NEO1: variants seen among roughly 807,000 people sequenced by gnomAD.
The protein encoded by NEO1 is neogenin.
In NEO1, 63 loss-of-function variants were observed where a neutral mutation model predicts 159.7. The observed-to-expected ratio is 0.39, with a 90% CI of 0.32 to 0.49. The LOEUF (loss-of-function observed/expected upper bound fraction) is 0.49. Among genes scored for constraint, NEO1 ranks in the 20% least tolerant of loss-of-function variants. NEO1 has a pLI of 0.85. For missense variants in NEO1, 1,615 were observed against 1,831.0 expected, an observed-to-expected ratio of 0.88 and a Z score of 2.15; for synonymous variants, 633 against 662.0, an observed-to-expected ratio of 0.96 and a Z score of 0.67.
At chr15:73,302,574 C>T (rs1484634137) in intron 28 of NEO1, 39 bp from the exon 29 acceptor site, 1 of 1,590,230 alleles carries the variant, frequency 6.3e-7, no homozygotes, top group Admixed American at 1.7e-5. Flanking sequence ...TGAGCTGCTC[C>T]CTGGATCCAG....
At chr15:73,182,789 T>C (rs2035689210) in intron 7 of NEO1, among the ~76,000 whole-genome samples, 1 of 152,144 alleles carries the variant, frequency 6.6e-6, no homozygotes, top group South Asian at 2.1e-4. Context: ...GTGGGAATTA[T>C]GGGAGCTACA....
At chr15:73,116,979 A>AGCCC (rs2071362299) in intron 2 of NEO1, 122 bp downstream of exon 2, 2 of 775,432 alleles carry the variant, frequency 2.6e-6, no homozygotes, top group African/African-American at 3.5e-5. Flanking sequence ...CATTTAACAG[A>AGCCC]TATCAATTGT....
chr15:73,215,151 C>A (rs754336368), intron 7 of NEO1, among the ~76,000 whole-genome samples: 3 of 152,092 alleles, frequency 2.0e-5, no homozygotes, highest in Non-Finnish European at 4.4e-5. Flanking sequence ...TTGCTGAATT[C>A]TTTTATCAGT....
chr15:73,164,620 TAATATTTACCAAAATGTAA>T (rs1207117259), intron 5 of NEO1, among the ~76,000 whole-genome samples: 2 of 152,222 alleles, frequency 1.3e-5, no homozygotes, highest in Non-Finnish European at 2.9e-5. Context: ...CAGCCTTTGG[TAATATTTACCAAAATGTAA>T]AATACAAAAA....
chr15:73,262,118 C>A (rs2040644724), intron 15 of NEO1, among the ~76,000 whole-genome samples: 1 of 152,102 alleles, frequency 6.6e-6, no homozygotes, highest in South Asian at 2.1e-4. Context: ...TATGCAAAAA[C>A]AGACCTAAAT....
At chr15:73,157,916 A>T (rs927296699) in intron 5 of NEO1, among the ~76,000 whole-genome samples, 6 of 146,250 alleles carry the variant, frequency 4.1e-5, no homozygotes, top group East Asian at 1.9e-4. Flanking sequence ...TTGTTCTTTT[A>T]AAAAAAAAAT....
chr15:73,145,386 AG>A (rs2032802894), intron 5 of NEO1, among the ~76,000 whole-genome samples: 1 of 152,226 alleles, frequency 6.6e-6, no homozygotes, highest in Non-Finnish European at 1.5e-5. Context: ...TTTTATCAAA[AG>A]CTTTAAAACT....
chr15:73,052,514 C>T lies in NEO1; in HGVS notation c.-162C>T. 3.8e-6 allele frequency: 1 copy of T among 263,986 alleles called. No individual in the cohort carries two copies. 16.4% of individuals were successfully genotyped at this position (263,986 alleles called of 1,614,324 possible). On this transcript the variant is annotated 5_prime_UTR_variant, in exon 1 of 29. Transcript: ENST00000261908. ...AGGCGCCCTGGAGTCTCCCCTCCAG[C>T]GAGAGGGGCTGCGCGGGCCGGGCCG... is the stretch of plus-strand genomic sequence containing the variant.
chr15:73,149,208 G>C (rs972544540), intron 5 of NEO1, among the ~76,000 whole-genome samples: 2 of 151,874 alleles, frequency 1.3e-5, no homozygotes, highest in South Asian at 2.1e-4. Flanking sequence ...CCAGCTACTC[G>C]AGAGGCTGAG....
At chr15:73,097,302 T>A (rs1161655155) in intron 1 of NEO1, among the ~76,000 whole-genome samples, 1 of 152,024 alleles carries the variant, frequency 6.6e-6, no homozygotes, top group African/African-American at 2.4e-5. Flanking sequence ...TATCTTTTAA[T>A]TTCATTTTTC....
At chr15:73,078,729 C>G (rs573076291) in intron 1 of NEO1, among the ~76,000 whole-genome samples, 1 of 152,316 alleles carries the variant, frequency 6.6e-6, no homozygotes, top group South Asian at 2.1e-4. Flanking sequence ...TCCTTCATGC[C>G]TCCTCTAGAA....
intron 1 of NEO1, among the ~76,000 whole-genome samples, chr15:73,074,136 C>A (rs2068660398): frequency 6.6e-6 from 1 of 152,206 alleles, no homozygotes; most frequent in Non-Finnish European, 1.5e-5. Context: ...AGATTTTACT[C>A]ATTTGAGGAC....
chr15:73,152,364 G>T (rs551852478), intron 5 of NEO1, among the ~76,000 whole-genome samples: 1 of 152,268 alleles, frequency 6.6e-6, no homozygotes. Flanking sequence ...CTGACATCAT[G>T]AAGCTTTCAT....
intron 1 of NEO1, among the ~76,000 whole-genome samples, chr15:73,076,895 C>G (rs1401799579): frequency 1.3e-5 from 2 of 152,148 alleles, no homozygotes; most frequent in African/African-American, 2.4e-5. Context: ...TTAGGTCCTT[C>G]TTCTCTCCAG....
At chr15:73,053,158 A>C (rs1030482287) in intron 1 of NEO1, among the ~76,000 whole-genome samples, 1 of 152,116 alleles carries the variant, frequency 6.6e-6, no homozygotes, top group African/African-American at 2.4e-5. Flanking sequence ...AGAGGCCACT[A>C]CACACCTCAT....
intron 7 of NEO1, among the ~76,000 whole-genome samples, chr15:73,232,043 A>G (rs1288960255): frequency 1.3e-5 from 2 of 152,162 alleles, no homozygotes; most frequent in African/African-American, 4.8e-5. Context: ...ACATTTTGTA[A>G]TGACTGCCTT....
At chr15:73,076,272 G>A (rs1277540018) in intron 1 of NEO1, among the ~76,000 whole-genome samples, 2 of 152,132 alleles carry the variant, frequency 1.3e-5, no homozygotes, top group Non-Finnish European at 2.9e-5. Context: ...GATATTTTTA[G>A]ATACGCAGAG....
intron 1 of NEO1, among the ~76,000 whole-genome samples, chr15:73,057,546 G>A (rs1319758908): frequency 2.0e-5 from 3 of 152,160 alleles, no homozygotes; most frequent in Admixed American, 6.6e-5. Context: ...GTGAGGAGAA[G>A]TTTTGTGTTT....
intron 5 of NEO1, among the ~76,000 whole-genome samples, chr15:73,160,146 T>G (rs914545842): frequency 8.5e-5 from 13 of 152,220 alleles, no homozygotes; most frequent in Non-Finnish European, 4.4e-5. Flanking sequence ...TTTTTAATTA[T>G]GTATACTTTT....
Sources: gnomAD v4.1 joint callset for allele counts (sites outside exome capture counted in the v4.1 genomes callset) on GRCh38, gnomAD v4.1.1 for gene constraint, MANE v1.5 for transcripts, NCBI Gene and HGNC (gene_info 2026-07-23, HGNC 2026-07-21) for gene names.